PTPRN2: variants seen among roughly 807,000 people sequenced by gnomAD.
The protein encoded by PTPRN2 is protein tyrosine phosphatase receptor type N2.
Under a neutral mutation model 118.8 loss-of-function variants are expected in PTPRN2, and 74 were observed. The observed-to-expected ratio is 0.62, with a 90% CI of 0.52 to 0.76. PTPRN2 has a LOEUF of 0.76. Among genes scored for constraint, PTPRN2 ranks in the 30% least tolerant of loss-of-function variants. The pLI is 0.00. For synonymous variants in PTPRN2, 641 were observed against 608.0 expected (o/e 1.05, Z -0.80); for missense variants, 1,481 against 1,394.4 (o/e 1.06, Z -0.99).
intron 6 of PTPRN2, among the ~76,000 whole-genome samples, chr7:158,148,501 T>A (rs368778739): frequency 1.2e-3 from 96 of 79,490 alleles, no homozygotes; most frequent in Admixed American, 1.9e-3. Context: ...GCCACGTGTC[T>A]TTCCCCCTCA....
chr7:157,943,116 T>C (rs1006093469), intron 11 of PTPRN2, among the ~76,000 whole-genome samples: 1 of 152,138 alleles, frequency 6.6e-6, no homozygotes, highest in Non-Finnish European at 1.5e-5. Context: ...GCTACCACTA[T>C]TCACTGCTCC....
At position 157,596,965 on chromosome 7, in the gene PTPRN2, G is replaced by A. The variant is rs1366544989; in HGVS notation, c.2419-1650C>T. On this transcript the variant is annotated intron_variant, in intron 16 of 22. Transcript: ENST00000389418. This position sits in a 1 kb window ranked among gnomAD's most constrained non-coding sequence, Gnocchi z 4.2. ...AGTGGTGGCCCCGGTGCTACCTTAA[G>A]TGCTGCTGCATTTGGGAAGCTGACG... Among the ~76,000 whole-genome samples, 1 of 152,204 alleles carries A rather than the reference G, an allele frequency of 6.6e-6. No individual in the cohort carries two copies. The highest frequency in any genetic ancestry group is 1.5e-5 in the Non-Finnish European group (1 of 68,044).
rs1045409795 is a variant in PTPRN2 at position 157,787,225 on chromosome 7, C to T, written c.1789-104288G>A. Reference sequence around the variant, plus strand: ...TTCTGGAAGCAATTCGTGGGAAACCCACTTGGATGCCACTTATGACCCCCG... The same window carrying T: ...TTCTGGAAGCAATTCGTGGGAAACCTACTTGGATGCCACTTATGACCCCCG... On this transcript the variant is annotated intron_variant, in intron 12 of 22. Coordinates refer to ENST00000389418, the MANE Select transcript of PTPRN2 (RefSeq NM_002847.5). The surrounding 1 kb of genome is among the most constrained non-coding windows in gnomAD (Gnocchi z 5.3). Among the ~76,000 whole-genome samples the T allele has an allele frequency of 2.0e-5, 3 of 152,016 alleles. No individual in the cohort carries two copies. Among genetic ancestry groups the T allele is most frequent in the Non-Finnish European group, 4.4e-5 (3 of 67,950 alleles).
At chr7:158,145,640 G>A (rs915083007) in intron 6 of PTPRN2, among the ~76,000 whole-genome samples, 4 of 152,258 alleles carry the variant, frequency 2.6e-5, no homozygotes, top group Non-Finnish European at 5.9e-5. Flanking sequence ...GGAGCTGCCA[G>A]TACTGAACCA....
At chr7:158,487,914 A>G (rs181711814) in intron 2 of PTPRN2, among the ~76,000 whole-genome samples, 3 of 152,240 alleles carry the variant, frequency 2.0e-5, no homozygotes, top group Non-Finnish European at 4.4e-5. Context: ...AGGCCTGAAT[A>G]TGTGTATTTA....
At chr7:158,409,087 C>T (rs1813816259) in intron 2 of PTPRN2, among the ~76,000 whole-genome samples, 1 of 152,144 alleles carries the variant, frequency 6.6e-6, no homozygotes, top group Non-Finnish European at 1.5e-5. Flanking sequence ...TTCGTAACAC[C>T]CTGAAAGTTC....
chr7:158,167,085 C>G lies in PTPRN2; in HGVS notation c.756G>C (p.Gln252His), dbSNP rs1259455759. ...LMAALSAYAAQRPPAPPGEGS... is the reference protein window; with the variant it reads ...LMAALSAYAAHRPPAPPGEGS... The stretch of plus-strand genomic sequence containing the variant: ...CCTCCCCGGGGGGAGCTGGGGGCCT[C>G]TGGGCAGCATAGGCACTGAGGGCCG... The change falls in exon 6 of 23, where the codon CAG becomes CAC. Residue 252 changes from glutamine (Q) to histidine (H), a missense_variant. Physicochemically the swap from Gln to His is conservative, Grantham distance 24 (BLOSUM62 0). Around this residue, in one of 3 missense-constraint regions of PTPRN2, gnomAD observed 1,115 missense variants for 994.2 expected, o/e 1.12. Transcript: ENST00000389418. 2 of 1,607,526 alleles carry G rather than the reference C, an allele frequency of 1.2e-6. No homozygotes were observed. The highest frequency in any genetic ancestry group is 1.7e-6 in the Non-Finnish European group (2 of 1,176,480).
intron 2 of PTPRN2, among the ~76,000 whole-genome samples, chr7:158,374,215 G>GTGT: frequency 6.6e-6 from 1 of 152,314 alleles, no homozygotes; most frequent in East Asian, 1.9e-4. Flanking sequence ...AAGGGGAAGA[G>GTGT]CTGGGTCTCA....
intron 2 of PTPRN2, among the ~76,000 whole-genome samples, chr7:158,327,118 C>G (rs1348218114): frequency 2.9e-5 from 4 of 138,912 alleles, no homozygotes; most frequent in African/African-American, 1.1e-4. Context: ...CATTCTCACA[C>G]AAGCACACAC....
chr7:157,982,163 G>GACAAGGAGGGGA lies in PTPRN2; in HGVS notation c.1724-83427_1724-83426insTCCCCTCCTTGT, dbSNP rs1563295855. Among the ~76,000 whole-genome samples, 105 of 125,876 alleles carry GACAAGGAGGGGA rather than the reference G, an allele frequency of 8.3e-4. 4 individuals are homozygous for GACAAGGAGGGGA. The highest frequency in any genetic ancestry group is 1.5e-3 in the Non-Finnish European group (81 of 53,770). The allele number at this position is 125,876 out of a possible 152,430, so 82.6% of individuals were successfully genotyped here. A position where few individuals can be genotyped will look rare whatever the true frequency, so the allele number is the denominator to read the frequency against. On this transcript the variant is annotated intron_variant, in intron 11 of 22. Transcript: ENST00000389418. ...TCCCCCATAAACCCCGAGTCACAGA[G>GACAAGGAGGGGA]ATGAGGAGGGGAATGCAGAGTGCAG...
intron 12 of PTPRN2, among the ~76,000 whole-genome samples, chr7:157,792,732 G>C (rs1006400434): frequency 2.0e-5 from 3 of 152,212 alleles, no homozygotes; most frequent in African/African-American, 7.2e-5. Context: ...CCTACAGCCC[G>C]CAGATGGGCC....
intron 2 of PTPRN2, among the ~76,000 whole-genome samples, chr7:158,458,163 T>A (rs561840511): frequency 3.9e-5 from 6 of 152,132 alleles, no homozygotes; most frequent in Non-Finnish European, 8.8e-5. Flanking sequence ...TCCCCCATCC[T>A]CCGAGCTTGG....
At position 158,205,180 on chromosome 7, in the gene PTPRN2, C is replaced by T; in HGVS notation, c.371G>A (p.Ser124Asn). 1 of 1,613,674 alleles carries T rather than the reference C, an allele frequency of 6.2e-7. No homozygotes were observed. Residue 124 changes from serine (S) to asparagine (N), a missense_variant, in exon 4 of 23, where the codon AGC becomes AAC. Physicochemically the swap from Ser to Asn is conservative, Grantham distance 46. Transcript: ENST00000389418. ...KTYLRRPEAS[S>N]PARPSKHSVG... ...CCACGTCCACACTTACCTGGCTGGG[C>T]TGGATGCTTCAGGACGCCTCAGGTA...
intron 9 of PTPRN2, among the ~76,000 whole-genome samples, chr7:158,121,278 C>T (rs1436811550): frequency 1.3e-5 from 2 of 152,174 alleles, no homozygotes; most frequent in Non-Finnish European, 2.9e-5. Flanking sequence ...CTAGGACCGA[C>T]CACACCACTC....
intron 3 of PTPRN2, among the ~76,000 whole-genome samples, chr7:158,251,736 A>G (rs542239029): frequency 0.011 from 1,603 of 148,146 alleles, 37 homozygotes; most frequent in African/African-American, 0.037. Context: ...TGTGGTGTGC[A>G]CAGGTGTGCA....
chr7:158,371,591 G>A (rs915908146), intron 2 of PTPRN2, among the ~76,000 whole-genome samples: 2 of 152,162 alleles, frequency 1.3e-5, no homozygotes, highest in Non-Finnish European at 2.9e-5. Context: ...AGCACCTCAC[G>A]CTTGAGAGAG....
At chr7:158,053,585 TAA>T (rs2128898541) in intron 11 of PTPRN2, among the ~76,000 whole-genome samples, 2 of 152,266 alleles carry the variant, frequency 1.3e-5, no homozygotes, top group African/African-American at 4.8e-5. Context: ...TAAACACACG[TAA>T]AGAGGTTCAA....
intron 16 of PTPRN2, among the ~76,000 whole-genome samples, chr7:157,595,726 A>G (rs960487651): frequency 2.0e-5 from 3 of 152,204 alleles, no homozygotes; most frequent in African/African-American, 4.8e-5. Context: ...GGGTTCAGGA[A>G]GAGGGAAAGG....
chr7:158,098,636 G>A (rs1196080604), intron 10 of PTPRN2, among the ~76,000 whole-genome samples: 3 of 152,312 alleles, frequency 2.0e-5, no homozygotes, highest in East Asian at 1.9e-4. Context: ...CGCCCGCCCC[G>A]GCCTGGCATC....
Sources: allele counts gnomAD v4.1 joint callset (sites outside exome capture counted in the v4.1 genomes callset), GRCh38; gene constraint gnomAD v4.1.1; regional missense constraint gnomAD v4.1.1; non-coding constraint Gnocchi (gnomAD v3.1); transcripts MANE v1.5; gene names NCBI Gene and HGNC (gene_info 2026-07-23, HGNC 2026-07-21).